The following KLRK1 variants were observed in gnomAD, a reference collection of about 807,000 sequenced individuals.
KLRK1 encodes killer cell lectin like receptor K1, also known as NKG2-D type II integral membrane protein.
In KLRK1, 40 loss-of-function variants were observed where a neutral mutation model predicts 31.3. The ratio of observed to expected loss-of-function variants is 1.28; its 90% confidence interval spans 0.99 to 1.67. The LOEUF (loss-of-function observed/expected upper bound fraction) is 1.67. Among genes scored for constraint, KLRK1 ranks in the 40% most tolerant of loss-of-function variants. The probability of loss-of-function intolerance (pLI) is 0.00; values close to 1 mark genes in which losing one functional copy is unlikely to be tolerated. For missense variants in KLRK1, 251 were observed against 260.0 expected, an observed-to-expected ratio of 0.97 and a Z score of 0.24; for synonymous variants, 77 against 77.3, an observed-to-expected ratio of 1.00 and a Z score of 0.02.
chr12:10,387,339 G>A (rs1863185643), intron 2 of KLRK1, among the ~76,000 whole-genome samples: 1 of 152,080 alleles, frequency 6.6e-6, no homozygotes. Flanking sequence ...AGAAAGACAT[G>A]TATTTAAATC....
rs773514923 is a variant in KLRK1 at position 10,385,395 on chromosome 12, C to CACACACAG, written c.148+1507_148+1508insCTGTGTGT. Among the ~76,000 whole-genome samples, 673 of 149,756 alleles carry CACACACAG rather than the reference C, an allele frequency of 4.5e-3. 10 individuals are homozygous for CACACACAG. The highest frequency in any genetic ancestry group is 4.2e-3 in the Non-Finnish European group (286 of 67,464). Reference sequence around the variant, plus strand: ...ACACACACACACACACACACACACACAGAGGAATACCATTCAGTCATAAAA... The same window carrying CACACACAG: ...ACACACACACACACACACACACACACACACACAGAGAGGAATACCATTCAGTCATAAAA... On this transcript the variant is annotated intron_variant, in intron 3 of 7. Transcript: ENST00000240618.
At chr12:10,376,854 T>A (rs1260793786) in intron 7 of KLRK1, among the ~76,000 whole-genome samples, 5 of 152,094 alleles carry the variant, frequency 3.3e-5, no homozygotes, top group Non-Finnish European at 7.4e-5. Context: ...TCTTGCTCTG[T>A]CACTCAGGCT....
Position 10,379,812 on chromosome 12 carries a change from C to T in KLRK1, c.149-20G>A. The T allele has an allele frequency of 6.2e-7, 1 of 1,605,532 alleles. No homozygotes were observed. The highest frequency in any genetic ancestry group is 8.5e-7 in the Non-Finnish European group (1 of 1,175,932). ...GAGATGCTGTCAAAGAAAAAAGACA[C>T]AGATCAGAGAAAGAAGCATAAAAGG... is the stretch of plus-strand genomic sequence containing the variant. On this transcript the variant is annotated intron_variant, in intron 3 of 7. Transcript: ENST00000240618.
chr12:10,379,471 G>T lies in KLRK1; in HGVS notation c.253C>A (p.Gln85Lys). ...CCGGTCAAGGGAATTTGAACTTCTT[G>T]GTTGAATAATGCTATTAAAATAACC... Reference protein sequence around the residue: ...SAVFLNSLFNQEVQIPLTESY... With the variant: ...SAVFLNSLFNKEVQIPLTESY... The change falls in exon 5 of 8, where the codon CAA (glutamine) becomes AAA (lysine). Residue 85 changes from glutamine (Q) to lysine (K), a missense_variant. Physicochemically the swap from Gln to Lys is moderately conservative, Grantham distance 53. Transcript: ENST00000240618. 6.8e-7 allele frequency: 1 copy of T among 1,474,416 alleles called. No homozygotes were observed. The allele number at this position is 1,474,416 out of a possible 1,614,324, so 91.3% of individuals were successfully genotyped here. A position where few individuals can be genotyped will look rare whatever the true frequency, so the allele number is the denominator to read the frequency against.
chr12:10,374,322 A>AT (rs1565490539), intron 7 of KLRK1, among the ~76,000 whole-genome samples: 1 of 141,200 alleles, frequency 7.1e-6, no homozygotes, highest in Non-Finnish European at 1.5e-5. Flanking sequence ...CCCAGCTGAG[A>AT]TTTTTTAATA....
At chr12:10,387,648 C>T (rs940453930) in intron 2 of KLRK1, among the ~76,000 whole-genome samples, 4 of 151,400 alleles carry the variant, frequency 2.6e-5, no homozygotes, top group Admixed American at 6.6e-5. Context: ...TGGGTTCAAG[C>T]GGTTCTCCTG....
chr12:10,378,865 G>A, intron 5 of KLRK1, 160 bp from the exon 6 acceptor site: 1 of 865,372 alleles, frequency 1.2e-6, no homozygotes, highest in Non-Finnish European at 1.6e-6. Context: ...TTCATAGAGA[G>A]AAGCCAGGCT....
At position 10,372,766 on chromosome 12, in the gene KLRK1, G is replaced by C. The variant is rs1049174; in HGVS notation, c.*348C>G. Reference sequence around the variant, plus strand: ...TGTGGAGGGTGGGGTTGCACTCTCAGTGATCTGCTGGCCTTCTCTTCCTTC... The same window carrying C: ...TGTGGAGGGTGGGGTTGCACTCTCACTGATCTGCTGGCCTTCTCTTCCTTC... On this transcript the variant is annotated 3_prime_UTR_variant, in exon 8 of 8. Transcript: ENST00000240618. 160,980 of 263,650 alleles carry C rather than the reference G, an allele frequency of 0.61. 52,117 individuals carry two copies. The highest frequency in any genetic ancestry group is 0.7 in the Non-Finnish European group (97,257 of 138,550). The allele number at this position is 263,650 out of a possible 1,614,324, so 16.3% of individuals were successfully genotyped here.
intron 7 of KLRK1, among the ~76,000 whole-genome samples, chr12:10,373,797 T>C (rs577404227): frequency 1.3e-5 from 2 of 152,292 alleles, no homozygotes; most frequent in East Asian, 3.8e-4. Flanking sequence ...TTTGGAGTTA[T>C]ATGATTAATA....
At chr12:10,380,710 T>C (rs1353600292) in intron 3 of KLRK1, among the ~76,000 whole-genome samples, 1 of 152,024 alleles carries the variant, frequency 6.6e-6, no homozygotes, top group African/African-American at 2.4e-5. Context: ...CTATCCTAGG[T>C]ATAGGAGAGC....
rs574127189 is a variant in KLRK1, at chr12:10,377,998, C to G, written c.533+134G>C. Reference sequence around the variant, plus strand: ...ATACAACTTTCTCCCAAATTTAGGGCCTAAGCACTTTTTACTAAATCTATT... The same window carrying G: ...ATACAACTTTCTCCCAAATTTAGGGGCTAAGCACTTTTTACTAAATCTATT... On this transcript the variant is annotated intron_variant, in intron 7 of 7. Coordinates refer to ENST00000240618, the MANE Select transcript of KLRK1 (RefSeq NM_007360.4). 9.9e-5 allele frequency: 85 copies of G among 858,328 alleles called. No homozygotes were observed. The South Asian group carries it at 1.4e-3, about 14-fold the overall frequency. 53.2% of individuals were successfully genotyped at this position (858,328 alleles called of 1,614,324 possible). A position where few individuals can be genotyped will look rare whatever the true frequency, so the allele number is the denominator to read the frequency against.
chr12:10,377,004 A>G (rs1049360484), intron 7 of KLRK1, among the ~76,000 whole-genome samples: 10 of 152,046 alleles, frequency 6.6e-5, no homozygotes, highest in Non-Finnish European at 1.0e-4. Flanking sequence ...TTTAGTAGAG[A>G]CAGGGTTTCA....
At chr12:10,386,772 TGA>T in intron 3 of KLRK1, 129 bp downstream of exon 3, 1 of 437,974 alleles carries the variant, frequency 2.3e-6, no homozygotes, top group South Asian at 8.4e-5. Context: ...TAATATTATA[TGA>T]GAGTTCATGT....
chr12:10,372,967 G>A lies in KLRK1; in HGVS notation c.*147C>T. ...CATGTTTGCAGTGAAATTGTTCTAT[G>A]GTTTGGTCCTGTGGAGTCTAAGAAA... On this transcript the variant is annotated 3_prime_UTR_variant, in exon 8 of 8. Transcript: ENST00000240618. The A allele has an allele frequency of 4.6e-6, 3 of 655,574 alleles. No homozygotes were observed. Among genetic ancestry groups the A allele is most frequent in the Admixed American group, 6.7e-5 (2 of 29,772 alleles). 40.6% of individuals were successfully genotyped at this position (655,574 alleles called of 1,614,324 possible).
rs774615042 is a variant in KLRK1, at chr12:10,388,791, C to T, written c.20G>A (p.Arg7Gln). Residue 7 changes from arginine to glutamine, a missense_variant, in exon 2 of 8, where the codon CGG becomes CAG. Physicochemically the swap from Arg to Gln is conservative, Grantham distance 43 (BLOSUM62 1). Coordinates refer to ENST00000240618, the MANE Select transcript of KLRK1 (RefSeq NM_007360.4). ...CATACCCCAGCTGTGTCGAGACCTC[C>T]GACCACGAATCCACCCCATCAAATA... MGWIRG[R>Q]RSRHSWEMSE... The T allele has an allele frequency of 1.4e-5, 22 of 1,613,712 alleles. No individual in the cohort carries two copies. The Middle Eastern group carries it at 4.9e-4, about 36-fold the overall frequency.
chr12:10,373,715 T>C (rs1018642157), intron 7 of KLRK1, among the ~76,000 whole-genome samples: 3 of 146,470 alleles, frequency 2.0e-5, no homozygotes, highest in Non-Finnish European at 3.0e-5. Context: ...TGTGTGTGTG[T>C]GCATATGTTT....
Position 10,378,725 on chromosome 12 carries a change from T to TATTA in KLRK1, c.278-24_278-21dup. 2 of 1,579,592 alleles carry TATTA rather than the reference T, an allele frequency of 1.3e-6. No homozygotes were observed. The highest frequency in any genetic ancestry group is 8.6e-7 in the Non-Finnish European group (1 of 1,169,208). On this transcript the variant is annotated intron_variant, in intron 5 of 7. Transcript: ENST00000240618. ...AACTTTCTGGAAAAGGAGAATATAT[T>TATTA]ATTAATTCTACACATCTGAACCATT...
Position 10,379,810 on chromosome 12 carries a change from C to A in KLRK1, c.149-18G>T, listed in dbSNP as rs1175703304. The stretch of plus-strand genomic sequence containing the variant: ...TGGAGATGCTGTCAAAGAAAAAAGA[C>A]ACAGATCAGAGAAAGAAGCATAAAA... On this transcript the variant is annotated intron_variant, in intron 3 of 7. Coordinates refer to ENST00000240618, the MANE Select transcript of KLRK1 (RefSeq NM_007360.4). The A allele has an allele frequency of 1.9e-6, 3 of 1,606,334 alleles. No individual in the cohort carries two copies. The highest frequency in any genetic ancestry group is 2.5e-6 in the Non-Finnish European group (3 of 1,176,490).
chr12:10,376,888 C>T (rs1862977627), intron 7 of KLRK1, among the ~76,000 whole-genome samples: 1 of 152,170 alleles, frequency 6.6e-6, no homozygotes, highest in South Asian at 2.1e-4. Context: ...GCAATCTCGG[C>T]TCACTGCAAC....
Sources: gnomAD v4.1 joint callset for allele counts (sites outside exome capture counted in the v4.1 genomes callset) on GRCh38, gnomAD v4.1.1 for gene constraint, MANE v1.5 for transcripts, NCBI Gene and HGNC (gene_info 2026-07-23, HGNC 2026-07-21) for gene names.